Variants in RBFOX1 observed in about 807,000 individuals in gnomAD.
RBFOX1 encodes the protein RNA binding protein fox-1 homolog 1.
Under a neutral mutation model 57.7 loss-of-function variants are expected in RBFOX1, and 8 were observed. That is an observed-to-expected ratio of 0.14 (90% CI 0.08 to 0.25). The LOEUF (loss-of-function observed/expected upper bound fraction) is 0.25, where lower values mean the gene tolerates loss of function less well. Ranked by LOEUF, RBFOX1 falls within the 10% of genes least tolerant of loss-of-function variation. RBFOX1 has a pLI of 1.00. For synonymous variants in RBFOX1, 326 were observed against 222.4 expected, an observed-to-expected ratio of 1.47 and a Z score of -4.15; for missense variants, 611 against 548.5, an observed-to-expected ratio of 1.11 and a Z score of -1.14.
intron 4 of RBFOX1, among the ~76,000 whole-genome samples, chr16:7,091,134 A>C (rs1189036354): frequency 2.3e-5 from 2 of 86,712 alleles, no homozygotes; most frequent in Admixed American, 2.3e-4. Context: ...GTTTCTCTTT[A>C]CTTTTTAGTT....
intron 3 of RBFOX1, among the ~76,000 whole-genome samples, chr16:6,977,247 C>A (rs1199509789): frequency 6.7e-6 from 1 of 149,386 alleles, no homozygotes; most frequent in Non-Finnish European, 1.5e-5. Context: ...TTAAAAAGAT[C>A]TTGGGCAGAT....
At chr16:7,591,753 G>A (rs906861057) in intron 7 of RBFOX1, among the ~76,000 whole-genome samples, 2 of 152,154 alleles carry the variant, frequency 1.3e-5, no homozygotes, top group African/African-American at 4.8e-5. Context: ...GCCCTTTGCC[G>A]AGCAAGCCAA....
intron 4 of RBFOX1, among the ~76,000 whole-genome samples, chr16:5,983,755 T>C (rs2060220970): frequency 6.6e-6 from 1 of 151,988 alleles, no homozygotes; most frequent in African/African-American, 2.4e-5. Context: ...ACTCCTGGAG[T>C]CATGAGTATT....
intron 2 of RBFOX1, among the ~76,000 whole-genome samples, chr16:6,571,497 C>T (rs79036170): frequency 0.032 from 4,810 of 152,118 alleles, 236 homozygotes; most frequent in African/African-American, 0.11. Context: ...TTGAGTTTTT[C>T]TACTTGGGTG....
At chr16:6,922,934 A>T (rs1479313199) in intron 3 of RBFOX1, among the ~76,000 whole-genome samples, 1 of 152,130 alleles carries the variant, frequency 6.6e-6, no homozygotes, top group East Asian at 1.9e-4. Flanking sequence ...GCCATTTTTG[A>T]TAATGACCAA....
chr16:5,775,548 G>A (rs2054119136), intron 3 of RBFOX1, among the ~76,000 whole-genome samples: 1 of 152,318 alleles, frequency 6.6e-6, no homozygotes, highest in East Asian at 1.9e-4. Flanking sequence ...CAGGCTCAGA[G>A]GTTCAGACAC....
At chr16:6,810,350 T>G (rs530294869) in intron 3 of RBFOX1, among the ~76,000 whole-genome samples, 165 of 152,174 alleles carry the variant, frequency 1.1e-3, no homozygotes, top group African/African-American at 3.9e-3. Context: ...TTCCGTGCAT[T>G]TTTTCCTCTC....
At chr16:6,957,361 G>A (rs531414945) in intron 3 of RBFOX1, among the ~76,000 whole-genome samples, 1 of 151,782 alleles carries the variant, frequency 6.6e-6, no homozygotes, top group East Asian at 1.9e-4. Flanking sequence ...TCGATCTCCT[G>A]ACTTCGTGAT....
chr16:6,465,170 A>C (rs1269213213), intron 2 of RBFOX1, among the ~76,000 whole-genome samples: 7 of 152,152 alleles, frequency 4.6e-5, no homozygotes, highest in Admixed American at 1.3e-4. Context: ...TCAGGTTTTT[A>C]CCCATGCAAA....
rs866807874 is a variant in RBFOX1, at chr16:6,967,933, C to A, written c.-15-84124C>A. ...TTCCTCCCACCAACTGTTCAGCTGC[C>A]CCGGGTGCCAGAAGGATAAAAACGC... On this transcript the variant is annotated intron_variant, in intron 3 of 15. Coordinates refer to ENST00000550418, the MANE Select transcript of RBFOX1 (RefSeq NM_018723.4). Among the ~76,000 whole-genome samples the A allele has an allele frequency of 7.9e-5, 12 of 152,238 alleles. 1 individual carries two copies. Among genetic ancestry groups the A allele is most frequent in the Middle Eastern group, 6.8e-3 (2 of 294 alleles).
intron 1 of RBFOX1, among the ~76,000 whole-genome samples, chr16:6,156,383 A>G (rs1307046666): frequency 6.6e-6 from 1 of 152,216 alleles, no homozygotes; most frequent in Non-Finnish European, 1.5e-5. Context: ...GCTTTGACTG[A>G]TCGTAAAATG....
At chr16:6,948,671 C>G (rs2080075035) in intron 3 of RBFOX1, among the ~76,000 whole-genome samples, 1 of 152,052 alleles carries the variant, frequency 6.6e-6, no homozygotes, top group Non-Finnish European at 1.5e-5. Context: ...CGTGAGCCAC[C>G]ACGCCTGGCG....
intron 1 of RBFOX1, among the ~76,000 whole-genome samples, chr16:6,036,486 T>G (rs2095367175): frequency 6.6e-6 from 1 of 152,204 alleles, no homozygotes; most frequent in Non-Finnish European, 1.5e-5. Flanking sequence ...AGTAACTTGA[T>G]GAACCTATAT....
intron 3 of RBFOX1, among the ~76,000 whole-genome samples, chr16:6,730,691 G>T (rs2068343312): frequency 6.6e-6 from 1 of 152,202 alleles, no homozygotes; most frequent in Admixed American, 6.5e-5. Flanking sequence ...TAGATGAAAT[G>T]CCACTGTCCA....
intron 5 of RBFOX1, 28 bp from the exon 6 acceptor site, chr16:7,579,749 C>A (rs146162180): frequency 0.018 from 28,652 of 1,613,752 alleles, 312 homozygotes; most frequent in Non-Finnish European, 0.022. Context: ...CCACTGAGAA[C>A]CTCTTCGGTT....
intron 4 of RBFOX1, among the ~76,000 whole-genome samples, chr16:7,370,793 T>G (rs1179634803): frequency 3.9e-5 from 6 of 152,244 alleles, no homozygotes; most frequent in Non-Finnish European, 8.8e-5. Flanking sequence ...TTGAAACGCA[T>G]TTTTGCTAAT....
At chr16:5,771,799 G>A (rs983085810) in intron 3 of RBFOX1, among the ~76,000 whole-genome samples, 10 of 152,200 alleles carry the variant, frequency 6.6e-5, no homozygotes, top group African/African-American at 2.4e-4. Context: ...GTGTTTGTGT[G>A]TGTGCATGTG....
chr16:7,456,040 C>G (rs1489028933), intron 4 of RBFOX1, among the ~76,000 whole-genome samples: 1 of 152,114 alleles, frequency 6.6e-6, no homozygotes, highest in Non-Finnish European at 1.5e-5. Flanking sequence ...GGGCCCCAGG[C>G]TTTGAAGAGC....
chr16:6,923,245 G>C (rs1308745383), intron 3 of RBFOX1, among the ~76,000 whole-genome samples: 1 of 152,124 alleles, frequency 6.6e-6, no homozygotes, highest in Non-Finnish European at 1.5e-5. Context: ...GCTAGATGTG[G>C]TATCCTGGCC....
Sources: allele counts gnomAD v4.1 joint callset (sites outside exome capture counted in the v4.1 genomes callset), GRCh38; gene constraint gnomAD v4.1.1; transcripts MANE v1.5; gene names NCBI Gene and HGNC (gene_info 2026-07-23, HGNC 2026-07-21).